LAMC1: variants seen among roughly 807,000 people sequenced by gnomAD.
LAMC1 encodes the protein laminin subunit gamma 1.
Under a neutral mutation model 173.6 loss-of-function variants are expected in LAMC1, and 38 were observed. The ratio of observed to expected loss-of-function variants is 0.22; its 90% confidence interval spans 0.17 to 0.29. The LOEUF is 0.29. Ranked by LOEUF, LAMC1 falls within the 10% of genes least tolerant of loss-of-function variation. The probability of loss-of-function intolerance (pLI) is 1.00; values close to 1 mark genes in which losing one functional copy is unlikely to be tolerated. For missense variants in LAMC1, 1,824 were observed against 2,051.8 expected (o/e 0.89, Z 2.14); for synonymous variants, 746 against 749.1 (o/e 1.00, Z 0.07).
At chr1:183,130,184 G>T (rs1435190580) in intron 18 of LAMC1, among the ~76,000 whole-genome samples, 160 bp from the exon 19 acceptor site, 2 of 152,184 alleles carry the variant, frequency 1.3e-5, no homozygotes, top group South Asian at 2.1e-4. Context: ...GACCTACTGG[G>T]TGTGGTAAAG....
Position 183,084,765 on chromosome 1 carries a change from T to A in LAMC1, c.419-18563T>A, listed in dbSNP as rs182791081. 1.9e-4 allele frequency among the ~76,000 whole-genome samples: 29 copies of A among 152,358 alleles called. No individual in the cohort carries two copies. The East Asian group carries it at 4.1e-3, about 21-fold the overall frequency. Reference sequence around the variant, plus strand: ...GTTTCCTTACGACGCATCCTTTTTTTATTGTGTCATTAAGAGAGACAATGC... The same window carrying A: ...GTTTCCTTACGACGCATCCTTTTTTAATTGTGTCATTAAGAGAGACAATGC... On this transcript the variant is annotated intron_variant, in intron 1 of 27. Transcript: ENST00000258341.
chr1:183,139,479 C>T (rs551522769), intron 26 of LAMC1, among the ~76,000 whole-genome samples: 2 of 152,212 alleles, frequency 1.3e-5, no homozygotes, highest in Non-Finnish European at 2.9e-5. Context: ...TTTACACTCG[C>T]AGACAAGCTT....
intron 1 of LAMC1, among the ~76,000 whole-genome samples, chr1:183,030,489 A>G (rs138296062): frequency 5.9e-5 from 9 of 152,358 alleles, no homozygotes; most frequent in Non-Finnish European, 1.2e-4. Flanking sequence ...AACTCCCAGA[A>G]CATTGAACAT....
chr1:183,124,522 T>C, intron 13 of LAMC1, 109 bp from the exon 14 acceptor site: 1 of 1,350,758 alleles, frequency 7.4e-7, no homozygotes, highest in South Asian at 1.3e-5. Flanking sequence ...CACTGCACCA[T>C]GTCTTCTCTC....
Position 183,114,571 on chromosome 1 carries a change from C to T in LAMC1, c.1062C>T (p.Asp354=). Residue 354 remains aspartate, a synonymous_variant, in exon 5 of 28, where the codon GAC becomes GAT. Coordinates refer to ENST00000258341, the MANE Select transcript of LAMC1 (RefSeq NM_002293.4). The stretch of plus-strand genomic sequence containing the variant: ...GTCGATCCCAGGAATGCTACTTCGA[C>T]CCTGAACTCTATCGTTCCACTGGCC... The part of the protein sequence containing the change: ...CNGRSQECYF[D]PELYRSTGHG... 6.2e-7 allele frequency: 1 copy of T among 1,614,234 alleles called. No homozygotes were observed. Among genetic ancestry groups the T allele is most frequent in the Non-Finnish European group, 8.5e-7 (1 of 1,180,048 alleles).
At chr1:183,095,655 G>C (rs933073824) in intron 1 of LAMC1, among the ~76,000 whole-genome samples, 1 of 152,098 alleles carries the variant, frequency 6.6e-6, no homozygotes, top group African/African-American at 2.4e-5. Context: ...CACGAGTGGG[G>C]GTGAATATTG....
chr1:183,118,039 A>G lies in LAMC1; in HGVS notation c.1883A>G (p.His628Arg). The change falls in exon 11 of 28, where the codon CAT becomes CGT. Residue 628 changes from histidine (H) to arginine (R), a missense_variant. His to Arg is a conservative substitution (Grantham distance 29). Transcript: ENST00000258341. ...GGCCCTTTCTTTCTCTCCAGGCTCC[A>G]TGAAGCAACAGATTACCCTTGGAGG... ...ETTVKYVFRL[H>R]EATDYPWRPA... is the part of the protein sequence containing the mutation. The G allele has an allele frequency of 1.9e-6, 3 of 1,605,194 alleles. No homozygotes were observed. Among genetic ancestry groups the G allele is most frequent in the Non-Finnish European group, 2.6e-6 (3 of 1,172,476 alleles).
At chr1:183,101,824 G>A (rs979175458) in intron 1 of LAMC1, among the ~76,000 whole-genome samples, 4 of 152,210 alleles carry the variant, frequency 2.6e-5, no homozygotes, top group Non-Finnish European at 5.9e-5. Context: ...GTGCAAGTAT[G>A]TTTCATGTAT....
At chr1:183,105,099 A>G (rs371990230) in intron 2 of LAMC1, among the ~76,000 whole-genome samples, 22 of 151,180 alleles carry the variant, frequency 1.5e-4, no homozygotes, top group African/African-American at 5.3e-4. Context: ...AGGTGCCTGT[A>G]ATCCCAGCTA....
chr1:183,129,213 G>A (rs924218074), intron 18 of LAMC1, among the ~76,000 whole-genome samples: 2 of 149,580 alleles, frequency 1.3e-5, no homozygotes, highest in African/African-American at 4.9e-5. Context: ...AGCCTCCCAA[G>A]TACCTGGGAC....
At chr1:183,061,693 A>G (rs1654749542) in intron 1 of LAMC1, among the ~76,000 whole-genome samples, 1 of 152,218 alleles carries the variant, frequency 6.6e-6, no homozygotes, top group African/African-American at 2.4e-5. Flanking sequence ...GTGAATTTGT[A>G]CATTGAAATT....
chr1:183,104,076 A>G (rs1010759605), intron 2 of LAMC1, among the ~76,000 whole-genome samples: 3 of 152,230 alleles, frequency 2.0e-5, no homozygotes, highest in African/African-American at 7.2e-5. Flanking sequence ...CCGTTGAAGC[A>G]AGATATTTAA....
In LAMC1 at chr1:183,117,413, G is replaced by T. The variant is rs1277775050; in HGVS notation, c.1658G>T (p.Ser553Ile). 6.2e-7 allele frequency: 1 copy of T among 1,613,738 alleles called. No individual in the cohort carries two copies. Among genetic ancestry groups the T allele is most frequent in the Non-Finnish European group, 8.5e-7 (1 of 1,179,748 alleles). Reference protein sequence around the residue: ...ERQDIAVISDSYFPRYFIAPA... With the variant: ...ERQDIAVISDIYFPRYFIAPA... ...CAAGATATCGCCGTGATCTCAGACA[G>T]CTACTTTCCTCGGTACTTCATTGCT... The change falls in exon 9 of 28, where the codon AGC becomes ATC. Residue 553 changes from serine to isoleucine, a missense_variant. Transcript: ENST00000258341.
intron 1 of LAMC1, among the ~76,000 whole-genome samples, chr1:183,060,633 A>C (rs1443432974): frequency 2.0e-5 from 3 of 152,166 alleles, no homozygotes; most frequent in Admixed American, 2.0e-4. Flanking sequence ...TCTGACTCAT[A>C]ATTATCATTA....
At position 183,124,644 on chromosome 1, in the gene LAMC1, G is replaced by C. The variant is rs1656570564; in HGVS notation, c.2415G>C (p.Glu805Asp). Residue 805 changes from glutamate (E) to aspartate (D), a missense_variant, in exon 14 of 28, where the codon GAG becomes GAC. Glu to Asp is a conservative substitution (Grantham distance 45). Coordinates refer to ENST00000258341, the MANE Select transcript of LAMC1 (RefSeq NM_002293.4). ...TCTCATCCCCAGGTAAGAGATGTGA[G>C]CTCTGTGATGATGGCTACTTTGGAG... is the stretch of plus-strand genomic sequence containing the variant. ...CPTGTTGKRC[E>D]LCDDGYFGDP... The C allele has an allele frequency of 6.2e-7, 1 of 1,614,084 alleles. No individual in the cohort carries two copies. Among genetic ancestry groups the C allele is most frequent in the Non-Finnish European group, 8.5e-7 (1 of 1,180,034 alleles).
chr1:183,129,277 A>G (rs1227813808), intron 18 of LAMC1, among the ~76,000 whole-genome samples: 1 of 151,780 alleles, frequency 6.6e-6, no homozygotes, highest in African/African-American at 2.4e-5. Context: ...TTGAGTAGAG[A>G]TGGCGGTTCA....
chr1:183,111,727 T>C (rs1190927964), intron 4 of LAMC1, among the ~76,000 whole-genome samples: 2 of 152,160 alleles, frequency 1.3e-5, no homozygotes, highest in Non-Finnish European at 2.9e-5. Flanking sequence ...AAGAAGATAC[T>C]CTTAACTTGC....
chr1:183,050,222 A>T (rs1405830869), intron 1 of LAMC1, among the ~76,000 whole-genome samples: 4 of 151,560 alleles, frequency 2.6e-5, no homozygotes, highest in Non-Finnish European at 5.9e-5. Context: ...TGACTGTTGT[A>T]ATAGTTCTTT....
chr1:183,133,533 G>A lies in LAMC1; in HGVS notation c.3832G>A (p.Asp1278Asn), dbSNP rs1656857393. 1.2e-6 allele frequency: 2 copies of A among 1,612,634 alleles called. No individual in the cohort carries two copies. The highest frequency in any genetic ancestry group is 2.7e-5 in the African/African-American group (2 of 75,000). The change falls in exon 22 of 28, where the codon GAC becomes AAC. Residue 1278 changes from aspartate (D) to asparagine (N), a missense_variant. Transcript: ENST00000258341. ...CAGCGTGGCTCAGCTGAGCCCTTTG[G>A]ACTCTGAGACACTGGAGGTATGGGG... is the stretch of plus-strand genomic sequence containing the variant. ...YASVAQLSPLDSETLENEANN... is the reference protein window; with the variant it reads ...YASVAQLSPLNSETLENEANN...
Sources: allele counts gnomAD v4.1 joint callset (sites outside exome capture counted in the v4.1 genomes callset), GRCh38; gene constraint gnomAD v4.1.1; transcripts MANE v1.5; gene names NCBI Gene and HGNC (gene_info 2026-07-23, HGNC 2026-07-21).